Variants in ALG13 observed in about 807,000 individuals in gnomAD.
The protein encoded by ALG13 is ALG13 UDP-N-acetylglucosaminyltransferase subunit, also known as UDP-N-acetylglucosamine transferase subunit ALG13.
Under a neutral mutation model 87.8 loss-of-function variants are expected in ALG13, and 11 were observed. The ratio of observed to expected loss-of-function variants is 0.13; its 90% CI spans 0.08 to 0.21. ALG13 has a LOEUF of 0.21. Ranked by LOEUF, ALG13 falls within the 10% of genes least tolerant of loss-of-function variation. The pLI, the probability that ALG13 is intolerant of heterozygous loss-of-function variation, is 1.00. For missense variants in ALG13, 756 were observed against 866.1 expected (o/e 0.87, Z 1.60); for synonymous variants, 320 against 306.3 (o/e 1.04, Z -0.47).
intron 3 of ALG13, chrX:111,686,114 ATTAC>A (rs1314574094): frequency 1.5e-5 from 16 of 1,078,401 alleles, no homozygotes; most frequent in Non-Finnish European, 1.9e-5. Context: ...GATGAAGAAA[ATTAC>A]TTGTTTGTTT....
intron 10 of ALG13, among the ~76,000 whole-genome samples, chrX:111,719,062 T>C (rs1034664406): frequency 2.9e-5 from 3 of 102,554 alleles, no homozygotes; most frequent in Non-Finnish European, 2.0e-5. Context: ...AGTCTCGCTC[T>C]GTCAGCCAGG....
At chrX:111,717,994 A>C in intron 9 of ALG13, 67 bp downstream of exon 9, 1 of 1,085,750 alleles carries the variant, frequency 9.2e-7, no homozygotes, top group Non-Finnish European at 1.3e-6. Flanking sequence ...GGGACCCACC[A>C]TGAATAGCCC....
intron 13 of ALG13, among the ~76,000 whole-genome samples, chrX:111,723,580 AT>A (rs1941652472): frequency 8.9e-6 from 1 of 111,888 alleles, no homozygotes; most frequent in Non-Finnish European, 1.9e-5. Context: ...GAAAAAAAAA[AT>A]GTTTCTTTAA....
At chrX:111,716,099 G>T in intron 8 of ALG13, among the ~76,000 whole-genome samples, 1 of 112,007 alleles carries the variant, frequency 8.9e-6, no homozygotes, top group African/African-American at 3.2e-5. Flanking sequence ...TTAAGTATTG[G>T]TGAGTATCTT....
intron 6 of ALG13, 136 bp downstream of exon 6, chrX:111,711,861 C>A: frequency 1.7e-6 from 1 of 574,528 alleles, no homozygotes; most frequent in Non-Finnish European, 2.7e-6. Context: ...TCCAATAGTT[C>A]TCACATAAGT....
chrX:111,746,191 A>T (rs1944224487), intron 24 of ALG13, among the ~76,000 whole-genome samples: 1 of 111,915 alleles, frequency 8.9e-6, no homozygotes, highest in Non-Finnish European at 1.9e-5. Flanking sequence ...GTTTACATAT[A>T]ATGAAATGTA....
chrX:111,720,283 G>T, intron 11 of ALG13, 113 bp downstream of exon 11: 1 of 404,339 alleles, frequency 2.5e-6, no homozygotes, highest in Non-Finnish European at 4.0e-6. Flanking sequence ...GGGAGGAGTT[G>T]GTCATTTTCC....
intron 11 of ALG13, among the ~76,000 whole-genome samples, chrX:111,720,817 T>C (rs1451966207): frequency 1.8e-5 from 2 of 110,837 alleles, no homozygotes; most frequent in African/African-American, 6.5e-5. Context: ...ATATTGCACC[T>C]CCATGTGTAT....
chrX:111,721,787 C>G, intron 12 of ALG13, 76 bp downstream of exon 12: 1 of 563,375 alleles, frequency 1.8e-6, no homozygotes, highest in Non-Finnish European at 2.9e-6. Context: ...TGGTGAACAT[C>G]TCTTATAAGA....
chrX:111,725,711 A>T (rs377202923), intron 15 of ALG13, among the ~76,000 whole-genome samples: 1 of 111,757 alleles, frequency 8.9e-6, no homozygotes, highest in Admixed American at 9.5e-5. Context: ...AAAATAGTGC[A>T]TGTACCCCAT....
intron 3 of ALG13, chrX:111,685,993 C>A (rs1235125510): frequency 2.9e-6 from 1 of 345,486 alleles, no homozygotes; most frequent in Non-Finnish European, 4.6e-6. Context: ...TGATTTTATT[C>A]ATGTTTATTG....
At chrX:111,710,233 A>G (rs1375052649) in intron 5 of ALG13, among the ~76,000 whole-genome samples, 3 of 110,313 alleles carry the variant, frequency 2.7e-5, no homozygotes, top group Non-Finnish European at 5.7e-5. Context: ...GGGTTTCGCC[A>G]TGTTGCCCAG....
chrX:111,701,887 G>GT (rs1383206021), intron 3 of ALG13, among the ~76,000 whole-genome samples: 1 of 110,678 alleles, frequency 9.0e-6, no homozygotes, highest in African/African-American at 3.3e-5. Context: ...TGTCTCAAGG[G>GT]TTTTTTTTAA....
chrX:111,718,939 A>G (rs1344634075), intron 10 of ALG13, among the ~76,000 whole-genome samples: 11 of 110,104 alleles, frequency 1.0e-4, no homozygotes, highest in Admixed American at 3.9e-4. Context: ...GCAAATTCAG[A>G]TAGGTTTGGT....
chrX:111,736,465 T>C (rs1192715512), intron 22 of ALG13, among the ~76,000 whole-genome samples: 1 of 111,751 alleles, frequency 8.9e-6, no homozygotes, highest in Non-Finnish European at 1.9e-5. Context: ...TGTATACGAT[T>C]TAATACTTGA....
At chrX:111,732,769 A>G (rs964864385) in intron 21 of ALG13, among the ~76,000 whole-genome samples, 3 of 111,787 alleles carry the variant, frequency 2.7e-5, no homozygotes, top group Non-Finnish European at 3.8e-5. Context: ...AAACTCTGAT[A>G]CGTAATTCTC....
At position 111,725,001 on chromosome X, in the gene ALG13, A is replaced by G. The variant is rs1941816294; in HGVS notation, c.1669A>G (p.Met557Val). The change falls in exon 15 of 27, where the codon ATG (methionine) becomes GTG (valine). Residue 557 changes from methionine (M) to valine (V), a missense_variant. By Grantham distance (21) the Met-to-Val change is conservative. Transcript: ENST00000394780. ...QVMSVPAWNA[M>V]PSRKGRGYQK... ...GATGTCTGTTCCTGCCTGGAATGCT[A>G]TGCCCAGTCGGAAAGGAAGAGGTTA... The G allele has an allele frequency of 4.1e-6, 5 of 1,211,239 alleles. No individual in the cohort carries two copies. The highest frequency in any genetic ancestry group is 5.6e-6 in the Non-Finnish European group (5 of 894,977).
chrX:111,728,581 T>A (rs1303761765), intron 19 of ALG13, among the ~76,000 whole-genome samples: 5 of 111,728 alleles, frequency 4.5e-5, no homozygotes. Flanking sequence ...GTGTCAGATA[T>A]CAGTATGGAA....
Position 111,757,677 on chromosome X carries a change from G to T in ALG13, c.3063G>T (p.Glu1021Asp). 6 of 1,208,878 alleles carry T rather than the reference G, an allele frequency of 5.0e-6. No individual in the cohort carries two copies. The highest frequency in any genetic ancestry group is 6.7e-6 in the Non-Finnish European group (6 of 893,310). Residue 1021 changes from glutamate to aspartate, a missense_variant, in exon 26 of 27, where the codon GAG becomes GAT. By Grantham distance (45) the Glu-to-Asp change is conservative. Coordinates refer to ENST00000394780, the MANE Select transcript of ALG13 (RefSeq NM_001099922.3). The stretch of plus-strand genomic sequence containing the variant: ...TAGAGAATTATCCAGTCTATACTGA[G>T]CCACCTCTGGTAGATCAAACCGTTC... ...LHVENYPVYTEPPLVDQTVPQ... is the reference protein window; with the variant it reads ...LHVENYPVYTDPPLVDQTVPQ...
Sources: allele counts gnomAD v4.1 joint callset (sites outside exome capture counted in the v4.1 genomes callset), GRCh38; gene constraint gnomAD v4.1.1; transcripts MANE v1.5; gene names NCBI Gene and HGNC (gene_info 2026-07-23, HGNC 2026-07-21).